PARP8: variants seen among roughly 807,000 people sequenced by gnomAD.
The protein encoded by PARP8 is poly(ADP-ribose) polymerase family member 8.
A neutral mutation model predicts 124.1 loss-of-function variants in PARP8; 51 were observed. The ratio of observed to expected loss-of-function variants is 0.41; its 90% CI spans 0.33 to 0.52. The LOEUF (loss-of-function observed/expected upper bound fraction) is 0.52. PARP8 is among the 20% of genes least tolerant of loss of function. PARP8 has a pLI of 0.21. For missense variants in PARP8, 860 were observed against 1,018.9 expected, an observed-to-expected ratio of 0.84 and a Z score of 2.12; for synonymous variants, 391 against 361.5, an observed-to-expected ratio of 1.08 and a Z score of -0.93.
chr5:50,819,417 A>G (rs1386151848), intron 15 of PARP8, among the ~76,000 whole-genome samples: 35 of 64,938 alleles, frequency 5.4e-4, no homozygotes, highest in African/African-American at 1.9e-3. Flanking sequence ...AGAAAAGGCT[A>G]TTTTATCTTC....
intron 10 of PARP8, among the ~76,000 whole-genome samples, chr5:50,793,327 A>G (rs1480341652): frequency 1.3e-5 from 2 of 152,208 alleles, no homozygotes; most frequent in African/African-American, 4.8e-5. Context: ...CTTGATGTTT[A>G]ATTGTAAAAT....
chr5:50,747,918 G>T (rs1212882725), intron 2 of PARP8, among the ~76,000 whole-genome samples: 4 of 151,388 alleles, frequency 2.6e-5, no homozygotes, highest in African/African-American at 9.7e-5. Flanking sequence ...GACTACAGGC[G>T]CCTGCCACCG....
chr5:50,754,137 A>ATATATATATATATATATG (rs1759589536), intron 3 of PARP8, among the ~76,000 whole-genome samples: 1 of 15,374 alleles, frequency 6.5e-5, no homozygotes, highest in Non-Finnish European at 1.3e-4. Flanking sequence ...ATATATATAT[A>ATATATATATATATATATG]TATATATATA....
intron 14 of PARP8, among the ~76,000 whole-genome samples, chr5:50,799,552 C>A (rs116060611): frequency 6.6e-6 from 1 of 152,158 alleles, no homozygotes; most frequent in African/African-American, 2.4e-5. Context: ...GGGTCTCTTG[C>A]GTTTCTCTAT....
rs376853488 is a variant in PARP8, at chr5:50,791,336, C to T, written c.737+2747C>T. Among the ~76,000 whole-genome samples the T allele has an allele frequency of 2.0e-5, 3 of 152,158 alleles. No homozygotes were observed. In the South Asian group the frequency reaches 6.2e-4, roughly 32 times the overall value. The stretch of plus-strand genomic sequence containing the variant: ...ACAGGCCTTGTTACTCTCATATTTC[C>T]TAGATGTTGAAACTGAAGCCCAGAG... On this transcript the variant is annotated intron_variant, in intron 10 of 25. Transcript: ENST00000281631.
intron 2 of PARP8, among the ~76,000 whole-genome samples, chr5:50,690,396 A>G (rs1487824132): frequency 1.3e-5 from 2 of 152,058 alleles, no homozygotes; most frequent in Admixed American, 1.3e-4. Context: ...TTTATTTTTC[A>G]TCCTGTGCCA....
At chr5:50,726,140 T>A (rs893309556) in intron 2 of PARP8, among the ~76,000 whole-genome samples, 9 of 152,140 alleles carry the variant, frequency 5.9e-5, no homozygotes, top group African/African-American at 1.9e-4. Flanking sequence ...TTTATTTTTT[T>A]ATTTTAGCTG....
rs1748566359 is a variant in PARP8 at position 50,845,784 on chromosome 5, A to G, written c.*3716A>G. 2 of 151,868 alleles carry G rather than the reference A, an allele frequency of 1.3e-5. No individual in the cohort carries two copies. The highest frequency in any genetic ancestry group is 1.9e-4 in the East Asian group (1 of 5,154). 9.4% of individuals were successfully genotyped at this position (151,868 alleles called of 1,614,324 possible). ...TTTATGTCCATTACCTAAAGCCACA[A>G]TCTCCCGCTCTAAGGAGTTAAAGGA... On this transcript the variant is annotated 3_prime_UTR_variant, in exon 26 of 26. Coordinates refer to ENST00000281631, the MANE Select transcript of PARP8 (RefSeq NM_024615.4).
At chr5:50,680,765 G>A (rs1225980976) in intron 2 of PARP8, among the ~76,000 whole-genome samples, 1 of 152,150 alleles carries the variant, frequency 6.6e-6, no homozygotes, top group African/African-American at 2.4e-5. Context: ...TGGTAAGAAA[G>A]AGGACAGAAG....
intron 14 of PARP8, among the ~76,000 whole-genome samples, chr5:50,802,011 T>A (rs1743283636): frequency 6.6e-6 from 1 of 152,226 alleles, no homozygotes; most frequent in Non-Finnish European, 1.5e-5. Flanking sequence ...AAAACTAAAG[T>A]GAATCTCTTG....
intron 2 of PARP8, among the ~76,000 whole-genome samples, chr5:50,700,759 C>A (rs1284818515): frequency 1.3e-5 from 2 of 152,090 alleles, no homozygotes; most frequent in Non-Finnish European, 2.9e-5. Context: ...TTACGTTTTT[C>A]TTCCTGCGAA....
intron 2 of PARP8, among the ~76,000 whole-genome samples, chr5:50,673,589 G>T (rs542510700): frequency 6.6e-6 from 1 of 152,174 alleles, no homozygotes; most frequent in Non-Finnish European, 1.5e-5. Flanking sequence ...ATACATTTCA[G>T]TGTAAGTCAA....
At chr5:50,672,795 C>G (rs574600182) in intron 2 of PARP8, among the ~76,000 whole-genome samples, 8 of 152,214 alleles carry the variant, frequency 5.3e-5, no homozygotes, top group Non-Finnish European at 1.2e-4. Flanking sequence ...TACTTGATTG[C>G]TAAAGGGCCT....
intron 2 of PARP8, among the ~76,000 whole-genome samples, chr5:50,705,555 C>T (rs1024391921): frequency 2.6e-5 from 4 of 152,106 alleles, no homozygotes; most frequent in African/African-American, 9.7e-5. Flanking sequence ...GAGGCCAAGG[C>T]ATGTGAATCA....
chr5:50,669,948 A>C (rs1322025273), intron 2 of PARP8, among the ~76,000 whole-genome samples: 2 of 152,216 alleles, frequency 1.3e-5, no homozygotes, highest in Non-Finnish European at 1.5e-5. Flanking sequence ...CAATTGGTTA[A>C]ACTGCTGATG....
chr5:50,777,048 A>G (rs751342243), intron 7 of PARP8, among the ~76,000 whole-genome samples: 10 of 152,198 alleles, frequency 6.6e-5, no homozygotes, highest in African/African-American at 1.4e-4. Context: ...GAGATCATCC[A>G]TTAATGCTTG....
In PARP8 at chr5:50,797,241, CT is replaced by C. The variant is rs1383979598; in HGVS notation, c.1575+10del. ...AATGGCCCTATGCTTAGGGTAAGTT[CT>C]TGCTGATAGAATGTCCGTGTTGGTT... On this transcript the variant is annotated intron_variant, in intron 14 of 25. Coordinates refer to ENST00000281631, the MANE Select transcript of PARP8 (RefSeq NM_024615.4). 6 of 1,572,812 alleles carry C rather than the reference CT, an allele frequency of 3.8e-6. No individual in the cohort carries two copies. The East Asian group carries it at 1.1e-4, about 29-fold the overall frequency.
intron 8 of PARP8, 143 bp from the exon 9 acceptor site, chr5:50,778,417 A>T (rs1740279340): frequency 3.0e-6 from 2 of 662,964 alleles, no homozygotes; most frequent in Non-Finnish European, 5.1e-6. Context: ...CAATATTTTC[A>T]CAAAACAGTG....
At chr5:50,794,152 C>T in intron 10 of PARP8, 55 bp from the exon 11 acceptor site, 1 of 1,552,914 alleles carries the variant, frequency 6.4e-7, no homozygotes, top group South Asian at 1.2e-5. Context: ...AATACAGTAA[C>T]ATTAATTGAA....
Sources: allele counts gnomAD v4.1 joint callset (sites outside exome capture counted in the v4.1 genomes callset), GRCh38; gene constraint gnomAD v4.1.1; transcripts MANE v1.5; gene names NCBI Gene and HGNC (gene_info 2026-07-23, HGNC 2026-07-21).